ZNF385D: variants seen among roughly 807,000 people sequenced by gnomAD.
ZNF385D encodes the protein zinc finger protein 385D.
Under a neutral mutation model 35.8 loss-of-function variants are expected in ZNF385D, and 15 were observed. The ratio of observed to expected loss-of-function variants is 0.42; its 90% confidence interval spans 0.28 to 0.64. ZNF385D has a LOEUF of 0.64. Ranked by LOEUF, ZNF385D falls within the 30% of genes least tolerant of loss-of-function variation. The pLI, the probability that ZNF385D is intolerant of heterozygous loss-of-function variation, is 0.23. For missense variants in ZNF385D, 474 were observed against 494.6 expected (o/e 0.96, Z 0.39); for synonymous variants, 212 against 186.8 (o/e 1.13, Z -1.10).
At chr3:22,286,552 G>A (rs11922038) in intron 2 of ZNF385D, among the ~76,000 whole-genome samples, 6,823 of 151,998 alleles carry the variant, frequency 0.045, 205 homozygotes, top group African/African-American at 0.077. Flanking sequence ...TAAAATTCCC[G>A]CTTAGCACTG....
chr3:22,101,360 A>G (rs1399657830), intron 3 of ZNF385D, among the ~76,000 whole-genome samples: 1 of 152,062 alleles, frequency 6.6e-6, no homozygotes. Context: ...CCATGAGCAT[A>G]TAAGGTGCTG....
intron 3 of ZNF385D, among the ~76,000 whole-genome samples, chr3:21,844,005 T>A (rs530102737): frequency 2.0e-5 from 3 of 151,982 alleles, no homozygotes; most frequent in Admixed American, 6.6e-5. Context: ...TAGCAAGTAA[T>A]GCGTCACACA....
chr3:21,540,343 A>C (rs551242557), intron 3 of ZNF385D, among the ~76,000 whole-genome samples: 1 of 152,324 alleles, frequency 6.6e-6, no homozygotes, highest in Non-Finnish European at 1.5e-5. Context: ...TAAATGATAA[A>C]ACCATCGACA....
intron 2 of ZNF385D, among the ~76,000 whole-genome samples, chr3:22,212,148 T>C (rs1170826852): frequency 6.6e-6 from 1 of 151,960 alleles, no homozygotes; most frequent in Non-Finnish European, 1.5e-5. Flanking sequence ...GGCAGTTTCT[T>C]GCCCAGTTAT....
intron 3 of ZNF385D, among the ~76,000 whole-genome samples, chr3:22,141,220 G>T (rs1367340230): frequency 6.6e-6 from 1 of 151,890 alleles, no homozygotes; most frequent in Non-Finnish European, 1.5e-5. Context: ...CAACAATAAA[G>T]ATTTACCAAT....
chr3:22,026,316 A>AC (rs1357483482), intron 3 of ZNF385D, among the ~76,000 whole-genome samples: 1 of 151,960 alleles, frequency 6.6e-6, no homozygotes, highest in Admixed American at 6.6e-5. Flanking sequence ...TTGAGAAAGG[A>AC]CCCCCCTACA....
rs1475807797 is a variant in ZNF385D at position 21,420,159 on chromosome 3, A to G, written c.*1055T>C. The G allele has an allele frequency of 6.6e-6, 1 of 152,224 alleles. No homozygotes were observed. Among genetic ancestry groups the G allele is most frequent in the African/African-American group, 2.4e-5 (1 of 41,460 alleles). 9.4% of individuals were successfully genotyped at this position (152,224 alleles called of 1,614,324 possible). On this transcript the variant is annotated 3_prime_UTR_variant, in exon 8 of 8. Transcript: ENST00000281523. ...ATAGCTAATGCTTAATTCTACCATC[A>G]TACTTAAAGCAGAAACCTTTGCCTA... is the stretch of plus-strand genomic sequence containing the variant.
intron 2 of ZNF385D, among the ~76,000 whole-genome samples, chr3:21,642,548 C>G (rs922861788): frequency 2.6e-5 from 4 of 152,058 alleles, no homozygotes; most frequent in African/African-American, 9.7e-5. Flanking sequence ...TTCACCCTAC[C>G]TAGATTCAGT....
At chr3:21,694,244 C>G (rs2067392422) in intron 1 of ZNF385D, among the ~76,000 whole-genome samples, 1 of 151,714 alleles carries the variant, frequency 6.6e-6, no homozygotes, top group African/African-American at 2.4e-5. Context: ...GGGGTTTCAC[C>G]GTGTTAGCCA....
chr3:21,432,237 T>C (rs1216946923), intron 5 of ZNF385D, among the ~76,000 whole-genome samples: 2 of 140,502 alleles, frequency 1.4e-5, no homozygotes, highest in African/African-American at 2.7e-5. Context: ...TTCTTGACAC[T>C]TTGATCTGCT....
intron 3 of ZNF385D, among the ~76,000 whole-genome samples, chr3:22,012,931 G>T (rs951255767): frequency 1.3e-5 from 2 of 151,988 alleles, no homozygotes; most frequent in Non-Finnish European, 2.9e-5. Flanking sequence ...CTCAACGACC[G>T]CATTTAGTGT....
chr3:21,642,786 A>G (rs1281621566), intron 2 of ZNF385D, among the ~76,000 whole-genome samples: 2 of 152,176 alleles, frequency 1.3e-5, no homozygotes, highest in Non-Finnish European at 2.9e-5. Context: ...AGAAATTTTG[A>G]CACAGGCCAC....
At chr3:21,667,968 A>C (rs2066456627) in intron 1 of ZNF385D, among the ~76,000 whole-genome samples, 1 of 152,220 alleles carries the variant, frequency 6.6e-6, no homozygotes, top group Non-Finnish European at 1.5e-5. Flanking sequence ...AGAAAGTTCG[A>C]AAAAATATTT....
intron 2 of ZNF385D, among the ~76,000 whole-genome samples, chr3:22,191,633 CTT>C (rs1380280663): frequency 6.6e-6 from 1 of 151,944 alleles, no homozygotes; most frequent in African/African-American, 2.4e-5. Context: ...GATCTATTGT[CTT>C]TAAATGTTTA....
At chr3:21,688,508 CTTTA>C (rs1049342314) in intron 1 of ZNF385D, among the ~76,000 whole-genome samples, 3 of 152,204 alleles carry the variant, frequency 2.0e-5, no homozygotes, top group Non-Finnish European at 2.9e-5. Context: ...CATTAATTAT[CTTTA>C]TTTAACAAAA....
chr3:22,060,110 A>T (rs1243528939), intron 3 of ZNF385D, among the ~76,000 whole-genome samples: 1 of 152,146 alleles, frequency 6.6e-6, no homozygotes, highest in African/African-American at 2.4e-5. Context: ...CTTTGACCTC[A>T]GACTAGGAGT....
intron 3 of ZNF385D, among the ~76,000 whole-genome samples, chr3:21,896,789 GTGTT>G (rs1230694026): frequency 6.6e-6 from 1 of 151,256 alleles, no homozygotes; most frequent in Admixed American, 6.6e-5. Context: ...ACTAGGTTCT[GTGTT>G]TGTATTTCTC....
At chr3:22,004,654 A>G (rs1241623671) in intron 3 of ZNF385D, among the ~76,000 whole-genome samples, 1 of 152,174 alleles carries the variant, frequency 6.6e-6, no homozygotes, top group Non-Finnish European at 1.5e-5. Context: ...CCTCACAAGG[A>G]ATTTCCTTGT....
At chr3:21,437,701 CA>C (rs751739275) in intron 4 of ZNF385D, among the ~76,000 whole-genome samples, 6,432 of 77,192 alleles carry the variant, frequency 0.083, 330 homozygotes, top group African/African-American at 0.097. Flanking sequence ...AATGCTTATA[CA>C]AAAAAAAAAA....
Sources: allele counts gnomAD v4.1 joint callset (sites outside exome capture counted in the v4.1 genomes callset), GRCh38; gene constraint gnomAD v4.1.1; transcripts MANE v1.5; gene names NCBI Gene and HGNC (gene_info 2026-07-23, HGNC 2026-07-21).